AGAP1: variants seen among roughly 807,000 people sequenced by gnomAD.
AGAP1 encodes arf-GAP with GTPase, ANK repeat and PH domain-containing protein 1.
AGAP1 carries 29 observed loss-of-function variants against 105.3 expected under a neutral mutation model. That is an observed-to-expected ratio of 0.28 (90% CI 0.21 to 0.38). AGAP1 has a LOEUF of 0.38. Ranked by LOEUF, AGAP1 falls within the 10% of genes least tolerant of loss-of-function variation. AGAP1 has a pLI of 1.00. For synonymous variants in AGAP1, 509 were observed against 485.9 expected (o/e 1.05, Z -0.63); for missense variants, 998 against 1,165.1 (o/e 0.86, Z 2.09).
In AGAP1 at chr2:236,131,346, C is replaced by A. The variant is rs1454303770; in HGVS notation, c.*7224C>A. On this transcript the variant is annotated 3_prime_UTR_variant, in exon 18 of 18. Coordinates refer to ENST00000304032, the MANE Select transcript of AGAP1 (RefSeq NM_001037131.3). The surrounding 1 kb of genome is among the most constrained non-coding windows in gnomAD (Gnocchi z 5.9). ...TGCGTTTCCTAAAGGGCAGCCGGAG[C>A]AGCTCAAAGGTGACAACTGAGATGC... is the stretch of plus-strand genomic sequence containing the variant. 6.6e-6 allele frequency: 1 copy of A among 152,258 alleles called. No homozygotes were observed. Among genetic ancestry groups the A allele is most frequent in the Non-Finnish European group, 1.5e-5 (1 of 68,090 alleles). The allele number at this position is 152,258 out of a possible 1,614,324, so 9.4% of individuals were successfully genotyped here.
chr2:235,516,748 C>T (rs924817733), intron 1 of AGAP1, among the ~76,000 whole-genome samples: 4 of 152,158 alleles, frequency 2.6e-5, no homozygotes, highest in Non-Finnish European at 5.9e-5. Flanking sequence ...CTCAGCTCCC[C>T]GGCAGGCTTC....
chr2:235,770,150 C>T (rs1282699539), intron 6 of AGAP1, among the ~76,000 whole-genome samples: 4 of 87,476 alleles, frequency 4.6e-5, no homozygotes, highest in Admixed American at 3.3e-4. Context: ...TTTTTTGAGA[C>T]GGAGTCTCAC....
chr2:235,949,227 C>T (rs75778833), intron 12 of AGAP1, among the ~76,000 whole-genome samples: 13,063 of 152,182 alleles, frequency 0.086, 1,424 homozygotes, highest in African/African-American at 0.25. Context: ...ATCCGAAGGG[C>T]TCCATTGAGC....
At position 235,887,688 on chromosome 2, in the gene AGAP1, C is replaced by T. The variant is rs917070848; in HGVS notation, c.1155+4239C>T. ...CCAGGAAAAAAAATCCCGGCCAAAC[C>T]ATCAGATATTTTTAGTTTTCTACAA... On this transcript the variant is annotated intron_variant, in intron 10 of 17. Coordinates refer to ENST00000304032, the MANE Select transcript of AGAP1 (RefSeq NM_001037131.3). The surrounding 1 kb of genome is among the most constrained non-coding windows in gnomAD (Gnocchi z 4.1). Among the ~76,000 whole-genome samples, 1 of 152,180 alleles carries T rather than the reference C, an allele frequency of 6.6e-6. No homozygotes were observed. The highest frequency in any genetic ancestry group is 1.5e-5 in the Non-Finnish European group (1 of 68,032).
chr2:235,633,836 C>T lies in AGAP1; in HGVS notation c.164-75343C>T, dbSNP rs1053504644. Among the ~76,000 whole-genome samples, 1 of 152,080 alleles carries T rather than the reference C, an allele frequency of 6.6e-6. No individual in the cohort carries two copies. ...GGAAAAGGGGTTTTGGTTTCTATGA[C>T]CTGTCTTAGGGATGAAGAATTCTAG... On this transcript the variant is annotated intron_variant, in intron 1 of 17. Coordinates refer to ENST00000304032, the MANE Select transcript of AGAP1 (RefSeq NM_001037131.3). This position sits in a 1 kb window ranked among gnomAD's most constrained non-coding sequence, Gnocchi z 4.8.
chr2:235,711,035 A>G (rs1950829550), intron 2 of AGAP1, among the ~76,000 whole-genome samples: 2 of 152,198 alleles, frequency 1.3e-5, no homozygotes, highest in Non-Finnish European at 2.9e-5. Context: ...CACAGTGAGT[A>G]AGTGGGGGAG....
At chr2:235,704,647 A>C (rs1356171373) in intron 1 of AGAP1, among the ~76,000 whole-genome samples, 2 of 152,170 alleles carry the variant, frequency 1.3e-5, no homozygotes, top group African/African-American at 4.8e-5. Context: ...TCCGTCTCAA[A>C]AAAGAAATGC....
In AGAP1 at chr2:236,062,743, C is replaced by G. The variant is rs1268650190; in HGVS notation, c.2114+13462C>G. Among the ~76,000 whole-genome samples the G allele has an allele frequency of 6.6e-6, 1 of 152,194 alleles. No individual in the cohort carries two copies. Among genetic ancestry groups the G allele is most frequent in the Non-Finnish European group, 1.5e-5 (1 of 68,034 alleles). ...GTGGAGCAATCTTGGCTCACTGCAACCTCCACCTCCTGGGTTCAAGCAAAT... is the reference window on the plus strand; with the variant it reads ...GTGGAGCAATCTTGGCTCACTGCAAGCTCCACCTCCTGGGTTCAAGCAAAT... On this transcript the variant is annotated intron_variant, in intron 16 of 17. Transcript: ENST00000304032. The surrounding 1 kb of genome is among the most constrained non-coding windows in gnomAD (Gnocchi z 4.2).
rs764860170 is a variant in AGAP1, at chr2:235,709,154, G to A, written c.164-25G>A. The A allele has an allele frequency of 1.1e-5, 17 of 1,613,504 alleles. No individual in the cohort carries two copies. The African/African-American group carries it at 2.3e-4, about 22-fold the overall frequency. ...GGCCTTTACGTGAGTTATGGTGTCT[G>A]ACTTTGTGTCCTCCTCTTTTTCAGA... On this transcript the variant is annotated intron_variant, in intron 1 of 17. Coordinates refer to ENST00000304032, the MANE Select transcript of AGAP1 (RefSeq NM_001037131.3).
Position 235,874,097 on chromosome 2 carries a change from C to G in AGAP1, c.1051-9248C>G, listed in dbSNP as rs1429789097. ...GTTTTGAGACAGGGTCTTGCTCTGTCGCCAGGCTGGAGTGCAGTGGCGTGA... is the reference window on the plus strand; with the variant it reads ...GTTTTGAGACAGGGTCTTGCTCTGTGGCCAGGCTGGAGTGCAGTGGCGTGA... On this transcript the variant is annotated intron_variant, in intron 9 of 17. Transcript: ENST00000304032. The surrounding 1 kb of genome is among the most constrained non-coding windows in gnomAD (Gnocchi z 4.5). Among the ~76,000 whole-genome samples the G allele has an allele frequency of 6.6e-6, 1 of 151,010 alleles. No individual in the cohort carries two copies. The highest frequency in any genetic ancestry group is 1.5e-5 in the Non-Finnish European group (1 of 67,812).
chr2:236,004,767 G>A (rs1374936535), intron 13 of AGAP1, among the ~76,000 whole-genome samples: 2 of 152,190 alleles, frequency 1.3e-5, no homozygotes, highest in African/African-American at 4.8e-5. Flanking sequence ...CAGTTTAGTA[G>A]CAAATGTGAC....
chr2:235,512,543 A>G (rs568158511), intron 1 of AGAP1, among the ~76,000 whole-genome samples: 3 of 152,188 alleles, frequency 2.0e-5, no homozygotes, highest in Non-Finnish European at 2.9e-5. Flanking sequence ...GCAGTGAGCC[A>G]TGATTGCACC....
At chr2:235,839,788 A>G (rs1960595451) in intron 9 of AGAP1, among the ~76,000 whole-genome samples, 2 of 152,156 alleles carry the variant, frequency 1.3e-5, no homozygotes, top group Admixed American at 1.3e-4. Flanking sequence ...GAACAGGAGG[A>G]GTACTTGCCT....
chr2:235,970,885 A>T lies in AGAP1; in HGVS notation c.1645+2262A>T, dbSNP rs575005719. 6.6e-6 allele frequency among the ~76,000 whole-genome samples: 1 copy of T among 152,272 alleles called. No individual in the cohort carries two copies. The highest frequency in any genetic ancestry group is 1.9e-4 in the East Asian group (1 of 5,172). On this transcript the variant is annotated intron_variant, in intron 13 of 17. Coordinates refer to ENST00000304032, the MANE Select transcript of AGAP1 (RefSeq NM_001037131.3). This position sits in a 1 kb window ranked among gnomAD's most constrained non-coding sequence, Gnocchi z 5.4. ...ATGTGTGTGCGAGGCAATAGTGGAT[A>T]CCCAGGCTGAGACACGGGCTCTGTC...
chr2:235,673,388 G>A (rs1319059029), intron 1 of AGAP1, among the ~76,000 whole-genome samples: 1 of 152,194 alleles, frequency 6.6e-6, no homozygotes. Context: ...TAGGATGCAA[G>A]TCCCCAAACC....
rs1036774302 is a variant in AGAP1, at chr2:236,040,052, A to G, written c.1801-699A>G. Among the ~76,000 whole-genome samples the G allele has an allele frequency of 3.9e-5, 6 of 152,152 alleles. No homozygotes were observed. Among genetic ancestry groups the G allele is most frequent in the Non-Finnish European group, 7.4e-5 (5 of 68,018 alleles). ...CTTGAGCCCACGAGTTCAAGGCTGCAGTGAGCTATGATCACACCACTGCAC... is the reference window on the plus strand; with the variant it reads ...CTTGAGCCCACGAGTTCAAGGCTGCGGTGAGCTATGATCACACCACTGCAC... On this transcript the variant is annotated intron_variant, in intron 14 of 17. Coordinates refer to ENST00000304032, the MANE Select transcript of AGAP1 (RefSeq NM_001037131.3). The surrounding 1 kb of genome is among the most constrained non-coding windows in gnomAD (Gnocchi z 5.6).
chr2:235,942,863 G>A (rs1432444474), intron 12 of AGAP1, among the ~76,000 whole-genome samples: 2 of 152,066 alleles, frequency 1.3e-5, no homozygotes, highest in Non-Finnish European at 2.9e-5. Context: ...AGGTAGTACA[G>A]TATAAAAAGA....
intron 1 of AGAP1, among the ~76,000 whole-genome samples, chr2:235,539,066 G>T (rs1365677253): frequency 6.6e-6 from 1 of 152,150 alleles, no homozygotes; most frequent in Non-Finnish European, 1.5e-5. Flanking sequence ...AGCTTTCAGG[G>T]TGAGAAAGAG....
intron 1 of AGAP1, among the ~76,000 whole-genome samples, chr2:235,627,007 C>T (rs1946659580): frequency 6.6e-6 from 1 of 152,046 alleles, no homozygotes; most frequent in South Asian, 2.1e-4. Flanking sequence ...TTTATTTTCA[C>T]TGTTCACATA....
Sources: gnomAD v4.1 joint callset for allele counts (sites outside exome capture counted in the v4.1 genomes callset) on GRCh38, gnomAD v4.1.1 for gene constraint, Gnocchi (gnomAD v3.1) non-coding constraint, MANE v1.5 for transcripts, NCBI Gene and HGNC (gene_info 2026-07-23, HGNC 2026-07-21) for gene names.